PRKN: variants seen among roughly 807,000 people sequenced by gnomAD.
The protein encoded by PRKN is parkin RBR E3 ubiquitin protein ligase.
In PRKN, 56 loss-of-function variants were observed where a neutral mutation model predicts 59.5. That is an observed-to-expected ratio of 0.94 (90% CI 0.76 to 1.18). PRKN has a LOEUF of 1.18. Ranked by LOEUF, PRKN falls within the 50% of genes most tolerant of loss-of-function variation. The probability of loss-of-function intolerance (pLI) is 0.00; values close to 1 mark genes in which losing one functional copy is unlikely to be tolerated. For synonymous variants in PRKN, 250 were observed against 222.1 expected (o/e 1.13, Z -1.12); for missense variants, 657 against 596.4 (o/e 1.10, Z -1.06).
intron 6 of PRKN, among the ~76,000 whole-genome samples, chr6:161,816,046 C>A (rs551514169): frequency 4.6e-4 from 70 of 152,228 alleles, no homozygotes; most frequent in African/African-American, 1.6e-3. Context: ...AAAACTTGTA[C>A]ACAAATGCTC....
At chr6:162,291,791 C>T (rs1282656943) in intron 2 of PRKN, among the ~76,000 whole-genome samples, 2 of 151,978 alleles carry the variant, frequency 1.3e-5, no homozygotes, top group East Asian at 3.9e-4. Flanking sequence ...GACGTTTTCT[C>T]CATTATAGAA....
At chr6:162,483,192 C>T (rs1021449800) in intron 1 of PRKN, among the ~76,000 whole-genome samples, 7 of 152,114 alleles carry the variant, frequency 4.6e-5, no homozygotes, top group African/African-American at 7.2e-5. Flanking sequence ...CCCAGTCTCA[C>T]GATATTCGAG....
chr6:162,120,304 C>T (rs1411683750), intron 4 of PRKN, among the ~76,000 whole-genome samples: 1 of 152,196 alleles, frequency 6.6e-6, no homozygotes, highest in African/African-American at 2.4e-5. Context: ...GTGCTTGGCC[C>T]ATTTATTTTT....
At chr6:162,541,145 T>C (rs1456715361) in intron 1 of PRKN, among the ~76,000 whole-genome samples, 1 of 152,204 alleles carries the variant, frequency 6.6e-6, no homozygotes, top group Non-Finnish European at 1.5e-5. Context: ...GAGGTTGTTC[T>C]GGGCTCAGGC....
intron 2 of PRKN, among the ~76,000 whole-genome samples, chr6:162,345,459 T>C (rs540168103): frequency 4.1e-4 from 62 of 152,340 alleles, no homozygotes; most frequent in Non-Finnish European, 7.8e-4. Context: ...CATTGTGCAA[T>C]GATTAACAAA....
intron 5 of PRKN, among the ~76,000 whole-genome samples, chr6:161,986,592 G>A (rs1781445387): frequency 6.6e-6 from 1 of 151,756 alleles, no homozygotes; most frequent in Non-Finnish European, 1.5e-5. Flanking sequence ...AACTAGGAGG[G>A]CTCAACAGCT....
At chr6:162,452,170 A>G (rs908221878) in intron 1 of PRKN, among the ~76,000 whole-genome samples, 1 of 152,234 alleles carries the variant, frequency 6.6e-6, no homozygotes, top group Non-Finnish European at 1.5e-5. Flanking sequence ...TTTAAAAATG[A>G]GAATAAAATA....
chr6:161,460,511 G>T lies in PRKN; in HGVS notation c.1084-73634C>A, dbSNP rs577399951. On this transcript the variant is annotated intron_variant, in intron 9 of 11. Coordinates refer to ENST00000366898, the MANE Select transcript of PRKN (RefSeq NM_004562.3). The surrounding 1 kb of genome is among the most constrained non-coding windows in gnomAD (Gnocchi z 5.0). ...AGGGGACACTTCTCTGAACCCCCGT[G>T]ATCACTTGGGTTTGGGGAAGGAGAC... is the stretch of plus-strand genomic sequence containing the variant. 3.3e-5 allele frequency among the ~76,000 whole-genome samples: 5 copies of T among 152,220 alleles called. No individual in the cohort carries two copies. The South Asian group carries it at 1.0e-3, about 32-fold the overall frequency.
chr6:162,709,079 T>C (rs2128238242), intron 1 of PRKN, among the ~76,000 whole-genome samples: 1 of 152,270 alleles, frequency 6.6e-6, no homozygotes, highest in East Asian at 1.9e-4. Context: ...CCTGATGATC[T>C]GTCACTGTCT....
At chr6:161,441,371 G>A (rs9456672) in intron 9 of PRKN, among the ~76,000 whole-genome samples, 4,186 of 152,194 alleles carry the variant, frequency 0.028, 199 homozygotes, top group African/African-American at 0.094. Context: ...CTGTCCAGGT[G>A]CGGTGGTTCA....
chr6:162,469,383 C>CA (rs1791607584), intron 1 of PRKN, among the ~76,000 whole-genome samples: 1 of 148,938 alleles, frequency 6.7e-6, no homozygotes. Context: ...AGTCATTCTA[C>CA]AAAAAGGTAC....
At chr6:162,285,929 T>C (rs535164783) in intron 2 of PRKN, among the ~76,000 whole-genome samples, 1 of 152,246 alleles carries the variant, frequency 6.6e-6, no homozygotes, top group South Asian at 2.1e-4. Context: ...GGGGCATAGA[T>C]GGAGAGATGG....
chr6:162,445,263 A>C (rs10945834), intron 1 of PRKN, among the ~76,000 whole-genome samples: 68,187 of 151,688 alleles, frequency 0.45, 15,819 homozygotes, highest in African/African-American at 0.56. Context: ...AAACGAAGGC[A>C]CAGGGAATGG....
intron 3 of PRKN, among the ~76,000 whole-genome samples, chr6:162,239,396 A>T (rs1243187642): frequency 6.6e-6 from 1 of 152,150 alleles, no homozygotes; most frequent in Non-Finnish European, 1.5e-5. Flanking sequence ...TTGAGCATAA[A>T]TCCCTAAAAG....
intron 4 of PRKN, among the ~76,000 whole-genome samples, chr6:162,066,423 C>G (rs1320598136): frequency 6.6e-6 from 1 of 152,146 alleles, no homozygotes; most frequent in Non-Finnish European, 1.5e-5. Context: ...ATGCTCTTTG[C>G]TATGGTCTAG....
chr6:162,247,182 T>C (rs1779235195), intron 3 of PRKN, among the ~76,000 whole-genome samples: 1 of 152,178 alleles, frequency 6.6e-6, no homozygotes, highest in African/African-American at 2.4e-5. Flanking sequence ...TCCAGTTTCT[T>C]TGTGAAATCA....
rs1380898753 is a variant in PRKN at position 161,757,871 on chromosome 6, C to CTCTCTCTCTCTCTCTCTG, written c.871+27900_871+27901insCAGAGAGAGAGAGAGAGA. ...TCTCTCTCTCTCTCTCTCTCTCTCTCTGTGTATATATATATACACACACAC... is the reference window on the plus strand; with the variant it reads ...TCTCTCTCTCTCTCTCTCTCTCTCTCTCTCTCTCTCTCTCTCTGTGTGTATATATATATACACACACAC... On this transcript the variant is annotated intron_variant, in intron 7 of 11. Transcript: ENST00000366898. 4.3e-3 allele frequency among the ~76,000 whole-genome samples: 419 copies of CTCTCTCTCTCTCTCTCTG among 97,932 alleles called. 12 individuals carry two copies. The highest frequency in any genetic ancestry group is 0.011 in the African/African-American group (236 of 22,340). 64.2% of individuals were successfully genotyped at this position (97,932 alleles called of 152,430 possible). A position where few individuals can be genotyped will look rare whatever the true frequency, so the allele number is the denominator to read the frequency against.
intron 6 of PRKN, among the ~76,000 whole-genome samples, chr6:161,890,281 C>A (rs1448781573): frequency 6.6e-6 from 1 of 152,126 alleles, no homozygotes; most frequent in Admixed American, 6.6e-5. Context: ...CTTTGCCAAC[C>A]TCCTTGTAGC....
intron 3 of PRKN, among the ~76,000 whole-genome samples, chr6:162,227,207 AGT>A (rs1778220088): frequency 6.6e-6 from 1 of 152,160 alleles, no homozygotes; most frequent in African/African-American, 2.4e-5. Context: ...TCCAAATTTT[AGT>A]GTGTGTGTTA....
Sources: allele counts gnomAD v4.1 joint callset (sites outside exome capture counted in the v4.1 genomes callset), GRCh38; gene constraint gnomAD v4.1.1; non-coding constraint Gnocchi (gnomAD v3.1); transcripts MANE v1.5; gene names NCBI Gene and HGNC (gene_info 2026-07-23, HGNC 2026-07-21).